The following ADGRB1 variants were observed in gnomAD, a reference collection of about 807,000 sequenced individuals.
ADGRB1 encodes the protein brain-specific angiogenesis inhibitor 1.
A neutral mutation model predicts 175.7 loss-of-function variants in ADGRB1; 36 were observed. The observed-to-expected ratio is 0.20, with a 90% CI of 0.16 to 0.27. The LOEUF (loss-of-function observed/expected upper bound fraction) is 0.27, where lower values mean the gene tolerates loss of function less well. Among genes scored for constraint, ADGRB1 ranks in the 10% least tolerant of loss-of-function variants. The pLI is 1.00. For synonymous variants in ADGRB1, 1,054 were observed against 979.4 expected, an observed-to-expected ratio of 1.08 and a Z score of -1.42; for missense variants, 1,731 against 2,255.3, an observed-to-expected ratio of 0.77 and a Z score of 4.71.
rs374495580 is a variant in ADGRB1, at chr8:142,477,291, T to C, written c.1222+13T>C. 1 of 1,511,632 alleles carries C rather than the reference T, an allele frequency of 6.6e-7. No homozygotes were observed. The highest frequency in any genetic ancestry group is 2.3e-5 in the East Asian group (1 of 44,416). The allele number at this position is 1,511,632 out of a possible 1,614,324, so 93.6% of individuals were successfully genotyped here. A position where few individuals can be genotyped will look rare whatever the true frequency, so the allele number is the denominator to read the frequency against. ...GCCGTGTGCCCAGGTGGGTGGGACC[T>C]TGGGCTGGGGCAGCGGACAGCCAGG... On this transcript the variant is annotated intron_variant, in intron 5 of 30. Coordinates refer to ENST00000517894, the MANE Select transcript of ADGRB1 (RefSeq NM_001702.3).
intron 20 of ADGRB1, among the ~76,000 whole-genome samples, chr8:142,521,134 C>A (rs1363435917): frequency 6.6e-6 from 1 of 152,156 alleles, no homozygotes; most frequent in East Asian, 1.9e-4. Flanking sequence ...CCAAGAAGGG[C>A]AGCTTGTGTT....
At position 142,542,050 on chromosome 8, in the gene ADGRB1, G is replaced by A. The variant is rs370920072; in HGVS notation, c.3816G>A (p.Pro1272=). ...TGAAGCTGGCCCATGCCAAGGGGCCGCCCACCAATTTCAACAGCCTGCCGG... is the reference window on the plus strand; with the variant it reads ...TGAAGCTGGCCCATGCCAAGGGGCCACCCACCAATTTCAACAGCCTGCCGG... The part of the protein sequence containing the change: ...EKLKLAHAKG[P]PTNFNSLPAN... Residue 1272 remains proline, a synonymous_variant, in exon 28 of 31, where the codon CCG becomes CCA. Transcript: ENST00000517894. The surrounding 1 kb of genome is among the most constrained non-coding windows in gnomAD (Gnocchi z 6.3). 14 of 1,611,760 alleles carry A rather than the reference G, an allele frequency of 8.7e-6. No homozygotes were observed. The East Asian group carries it at 8.9e-5, about 10-fold the overall frequency.
chr8:142,489,166 A>T, intron 15 of ADGRB1, 56 bp downstream of exon 15: 6 of 1,551,628 alleles, frequency 3.9e-6, no homozygotes, highest in Non-Finnish European at 5.2e-6. Context: ...GGTGGGCAGG[A>T]CCCCAGCCAC....
In ADGRB1 at chr8:142,540,796, G is replaced by A. The variant is rs561788024; in HGVS notation, c.3707-1145G>A. On this transcript the variant is annotated intron_variant, in intron 27 of 30. Coordinates refer to ENST00000517894, the MANE Select transcript of ADGRB1 (RefSeq NM_001702.3). ...ATGTGGGTCTGACGGGGAGGATGAC[G>A]GGTCACTCTTGGGTAGGGACGAGGG... Among the ~76,000 whole-genome samples the A allele has an allele frequency of 7.9e-5, 12 of 152,158 alleles. 1 individual carries two copies. In the South Asian group the frequency reaches 1.9e-3, roughly 24 times the overall value.
At chr8:142,479,562 C>A in intron 8 of ADGRB1, 75 bp downstream of exon 8, 1 of 1,515,332 alleles carries the variant, frequency 6.6e-7, no homozygotes, top group Non-Finnish European at 8.8e-7. Flanking sequence ...TCAGCTGTCA[C>A]CCACGTGGTG....
intron 24 of ADGRB1, among the ~76,000 whole-genome samples, chr8:142,530,254 G>C (rs1050173118): frequency 1.3e-5 from 2 of 152,148 alleles, no homozygotes; most frequent in Non-Finnish European, 2.9e-5. Context: ...GTACGCATGT[G>C]TGCCTGAGAG....
At chr8:142,453,351 C>T (rs1418878586) in intron 1 of ADGRB1, among the ~76,000 whole-genome samples, 4 of 152,236 alleles carry the variant, frequency 2.6e-5, no homozygotes, top group African/African-American at 4.8e-5. Flanking sequence ...GGCTCTGGCT[C>T]TGGGCTGCCC....
Position 142,481,505 on chromosome 8 carries a change from T to C in ADGRB1, c.1936-12T>C, listed in dbSNP as rs1427686159. On this transcript the variant is annotated splice_polypyrimidine_tract_variant and intron_variant, in intron 10 of 30. Transcript: ENST00000517894. ...CAGAGGTGAAGGCACCCGCCCTCTCTGTCTTCCGCAGACCCGGGAGCACCT... is the reference window on the plus strand; with the variant it reads ...CAGAGGTGAAGGCACCCGCCCTCTCCGTCTTCCGCAGACCCGGGAGCACCT... 6 of 1,572,176 alleles carry C rather than the reference T, an allele frequency of 3.8e-6. No homozygotes were observed. Among genetic ancestry groups the C allele is most frequent in the Non-Finnish European group, 5.2e-6 (6 of 1,156,558 alleles).
chr8:142,529,045 G>A (rs912495770), intron 24 of ADGRB1, among the ~76,000 whole-genome samples: 2 of 152,256 alleles, frequency 1.3e-5, no homozygotes, highest in East Asian at 3.9e-4. Flanking sequence ...CTGGCACGGA[G>A]CCCAGGATGG....
Position 142,474,567 on chromosome 8 carries a change from C to T in ADGRB1, c.785-907C>T, listed in dbSNP as rs1386465017. Among the ~76,000 whole-genome samples, 2 of 152,194 alleles carry T rather than the reference C, an allele frequency of 1.3e-5. No individual in the cohort carries two copies. Among genetic ancestry groups the T allele is most frequent in the Non-Finnish European group, 2.9e-5 (2 of 68,030 alleles). ...CACAGATGGCAGTGGCCCTCTCCTG[C>T]TTTGTGCTCCTCCATGGCTACCCAG... On this transcript the variant is annotated intron_variant, in intron 2 of 30. Transcript: ENST00000517894. The surrounding 1 kb of genome is among the most constrained non-coding windows in gnomAD (Gnocchi z 5.8).
At chr8:142,495,146 T>C (rs1331229808) in intron 17 of ADGRB1, among the ~76,000 whole-genome samples, 3 of 152,016 alleles carry the variant, frequency 2.0e-5, no homozygotes, top group Non-Finnish European at 2.9e-5. Context: ...TGGTAGGCAG[T>C]GTGGACAAGC....
intron 15 of ADGRB1, 69 bp from the exon 16 acceptor site, chr8:142,489,267 C>T: frequency 6.3e-7 from 1 of 1,587,238 alleles, no homozygotes; most frequent in East Asian, 2.2e-5. Flanking sequence ...TCGGGGGCAC[C>T]TGGGGAAGGG....
chr8:142,535,662 G>A (rs546067635), intron 25 of ADGRB1, among the ~76,000 whole-genome samples: 5 of 152,328 alleles, frequency 3.3e-5, no homozygotes, highest in South Asian at 2.1e-4. Flanking sequence ...GTCTGCCCAT[G>A]AGGCTGGGGC....
rs746611936 is a variant in ADGRB1, at chr8:142,518,261, T to TG, written c.2921+23dup. The TG allele has an allele frequency of 3.7e-6, 6 of 1,611,600 alleles. No individual in the cohort carries two copies. The highest frequency in any genetic ancestry group is 5.1e-6 in the Non-Finnish European group (6 of 1,178,356). Reference sequence around the variant, plus strand: ...GTGGAGGTGGGTGCCGCCCAGGTGCTGGGCATGCATGTCTGTGGCTCCTGC... The same window carrying TG: ...GTGGAGGTGGGTGCCGCCCAGGTGCTGGGGCATGCATGTCTGTGGCTCCTGC... On this transcript the variant is annotated intron_variant, in intron 19 of 30. Coordinates refer to ENST00000517894, the MANE Select transcript of ADGRB1 (RefSeq NM_001702.3).
chr8:142,468,233 CAGT>C, intron 2 of ADGRB1, among the ~76,000 whole-genome samples: 1 of 151,644 alleles, frequency 6.6e-6, no homozygotes, highest in Admixed American at 6.6e-5. Context: ...TGTGCGTGTG[CAGT>C]ACATTACTCA....
In ADGRB1 at chr8:142,542,501, C is replaced by A; in HGVS notation, c.4267C>A (p.Gln1423Lys). The A allele has an allele frequency of 7.2e-7, 1 of 1,396,578 alleles. No homozygotes were observed. The highest frequency in any genetic ancestry group is 9.3e-7 in the Non-Finnish European group (1 of 1,070,688). The allele number at this position is 1,396,578 out of a possible 1,614,324, so 86.5% of individuals were successfully genotyped here. A position where few individuals can be genotyped will look rare whatever the true frequency, so the allele number is the denominator to read the frequency against. Residue 1423 changes from glutamine (Q) to lysine (K), a missense_variant, in exon 28 of 31, where the codon CAG (glutamine) becomes AAG (lysine). Gln to Lys is a moderately conservative substitution (Grantham distance 53, BLOSUM62 1). Transcript: ENST00000517894. This position sits in a 1 kb window ranked among gnomAD's most constrained non-coding sequence, Gnocchi z 6.3. ...TCCGCCCCCACCGCCACCACCTCCC[C>A]AGCAGCCCCTGCCCCCACCGCCCAA... ...PPPPPPPPPP[Q>K]QPLPPPPNLE...
intron 26 of ADGRB1, among the ~76,000 whole-genome samples, chr8:142,538,852 G>A (rs1342747497): frequency 6.6e-6 from 1 of 152,174 alleles, no homozygotes; most frequent in African/African-American, 2.4e-5. Context: ...GACCAAGGGG[G>A]AGAGTTCTGG....
chr8:142,507,416 A>C (rs1023270538), intron 17 of ADGRB1, among the ~76,000 whole-genome samples: 1 of 152,198 alleles, frequency 6.6e-6, no homozygotes, highest in African/African-American at 2.4e-5. Context: ...TCCTGCTTCC[A>C]GAGCTGCCAG....
rs921657975 is a variant in ADGRB1 at position 142,484,849 on chromosome 8, A to G, written c.2308+85A>G. 17 of 1,046,598 alleles carry G rather than the reference A, an allele frequency of 1.6e-5. 1 individual carries two copies. Among genetic ancestry groups the G allele is most frequent in the Non-Finnish European group, 2.2e-5 (16 of 715,800 alleles). The allele number at this position is 1,046,598 out of a possible 1,614,324, so 64.8% of individuals were successfully genotyped here. On this transcript the variant is annotated intron_variant, in intron 13 of 30. Coordinates refer to ENST00000517894, the MANE Select transcript of ADGRB1 (RefSeq NM_001702.3). Reference sequence around the variant, plus strand: ...CTTCTGCCTCAGCATCCTCATCTGTATAAAGGGGCAGTGACCAGACAGCCT... The same window carrying G: ...CTTCTGCCTCAGCATCCTCATCTGTGTAAAGGGGCAGTGACCAGACAGCCT...
Sources: gnomAD v4.1 joint callset for allele counts (sites outside exome capture counted in the v4.1 genomes callset) on GRCh38, gnomAD v4.1.1 for gene constraint, Gnocchi (gnomAD v3.1) non-coding constraint, MANE v1.5 for transcripts, NCBI Gene and HGNC (gene_info 2026-07-23, HGNC 2026-07-21) for gene names.